Variants in GNGT2 observed in about 807,000 individuals in gnomAD.
GNGT2 encodes G protein subunit gamma transducin 2, also known as guanine nucleotide-binding protein G(I)/G(S)/G(O) subunit gamma-T2.
GNGT2 carries 4 observed loss-of-function variants against 3.5 expected under a neutral mutation model. That is an observed-to-expected ratio of 1.13 (90% CI 0.56 to 2.59). GNGT2 has a LOEUF of 2.59. Ranked by LOEUF, GNGT2 falls within the 30% of genes most tolerant of loss-of-function variation. The pLI is 0.02. For synonymous variants in GNGT2, 31 were observed against 29.5 expected (o/e 1.05, Z -0.17); for missense variants, 64 against 81.2 (o/e 0.79, Z 0.82).
In GNGT2 at chr17:49,206,332, A is replaced by T. The variant is rs1439503395; in HGVS notation, c.*425T>A. 1.1e-5 allele frequency: 2 copies of T among 175,850 alleles called. No individual in the cohort carries two copies. Among genetic ancestry groups the T allele is most frequent in the Non-Finnish European group, 2.4e-5 (2 of 85,010 alleles). The allele number at this position is 175,850 out of a possible 1,614,324, so 10.9% of individuals were successfully genotyped here. On this transcript the variant is annotated 3_prime_UTR_variant, in exon 4 of 4. Transcript: ENST00000507680. ...GTAGGACATGATATGGAGGGACAGGACCACCCAACCCTGGCCCCCAGCCCA... is the reference window on the plus strand; with the variant it reads ...GTAGGACATGATATGGAGGGACAGGTCCACCCAACCCTGGCCCCCAGCCCA...
chr17:49,207,024 G>T (rs1055414147), intron 3 of GNGT2, 142 bp from the exon 4 acceptor site: 3 of 871,588 alleles, frequency 3.4e-6, no homozygotes, highest in East Asian at 4.9e-5. Context: ...ACAGGTGTTC[G>T]GGGGTGTGAG....
At chr17:49,208,169 T>C (rs754241147) in intron 2 of GNGT2, among the ~76,000 whole-genome samples, 1 of 146,134 alleles carries the variant, frequency 6.8e-6, no homozygotes, top group Non-Finnish European at 1.5e-5. Context: ...TTTCAAAAAA[T>C]AAAAAAAGAT....
intron 3 of GNGT2, 35 bp from the exon 4 acceptor site, chr17:49,206,917 T>C (rs2043111955): frequency 1.2e-6 from 2 of 1,613,290 alleles, no homozygotes; most frequent in Non-Finnish European, 1.7e-6. Flanking sequence ...AGGTCCTTGT[T>C]ACTGTCTCTG....
At position 49,206,902 on chromosome 17, in the gene GNGT2, G is replaced by A. The variant is rs376218315; in HGVS notation, c.85-20C>T. The A allele has an allele frequency of 1.1e-5, 17 of 1,613,780 alleles. No individual in the cohort carries two copies. In the African/African-American group the frequency reaches 2.3e-4, roughly 22 times the overall value. On this transcript the variant is annotated intron_variant, in intron 3 of 3. Transcript: ENST00000507680. Reference sequence around the variant, plus strand: ...GGAAATCTGCGAGAACACAAAAAATGTTTTAGGTCCTTGTTACTGTCTCTG... The same window carrying A: ...GGAAATCTGCGAGAACACAAAAAATATTTTAGGTCCTTGTTACTGTCTCTG...
At position 49,206,829 on chromosome 17, in the gene GNGT2, G is replaced by C. The variant is rs943171161; in HGVS notation, c.138C>G (p.Asn46Lys). ...CAGGGATGCCTTTGAGAAAAGGATC[G>C]TTTCCTGCTTGGGCCTCCACGTACT... is the stretch of plus-strand genomic sequence containing the variant. Reference protein sequence around the residue: ...IKEYVEAQAGNDPFLKGIPED... With the variant: ...IKEYVEAQAGKDPFLKGIPED... The change falls in exon 4 of 4, where the codon AAC (asparagine) becomes AAG (lysine). Residue 46 changes from asparagine (N) to lysine (K), a missense_variant. Coordinates refer to ENST00000507680, the MANE Select transcript of GNGT2 (RefSeq NM_001198754.2). 6.2e-7 allele frequency: 1 copy of C among 1,613,348 alleles called. No individual in the cohort carries two copies. The highest frequency in any genetic ancestry group is 1.3e-5 in the African/African-American group (1 of 74,860).
intron 3 of GNGT2, among the ~76,000 whole-genome samples, chr17:49,207,118 T>A (rs2043113784): frequency 1.3e-5 from 2 of 152,116 alleles, no homozygotes; most frequent in African/African-American, 4.8e-5. Flanking sequence ...CTGGACACGC[T>A]GAGCTCTCCA....
chr17:49,208,187 A>G (rs2043122444), intron 2 of GNGT2, among the ~76,000 whole-genome samples: 1 of 151,396 alleles, frequency 6.6e-6, no homozygotes, highest in Non-Finnish European at 1.5e-5. Context: ...GATCCCAGGC[A>G]CTGTGGCTCA....
chr17:49,208,927 C>A lies in GNGT2; in HGVS notation c.-105G>T, dbSNP rs1230663063. The A allele has an allele frequency of 6.6e-6, 1 of 152,182 alleles. No individual in the cohort carries two copies. Among genetic ancestry groups the A allele is most frequent in the Non-Finnish European group, 1.5e-5 (1 of 68,038 alleles). The allele number at this position is 152,182 out of a possible 1,614,324, so 9.4% of individuals were successfully genotyped here. On this transcript the variant is annotated 5_prime_UTR_variant, in exon 2 of 4. Coordinates refer to ENST00000507680, the MANE Select transcript of GNGT2 (RefSeq NM_001198754.2). The stretch of plus-strand genomic sequence containing the variant: ...TTTGAGCCTCCTAGTTCTTCATCAG[C>A]TGAAAATCTTCAGATAAAGCAGATG...
At chr17:49,208,321 C>T (rs557964431) in intron 2 of GNGT2, among the ~76,000 whole-genome samples, 3 of 151,576 alleles carry the variant, frequency 2.0e-5, no homozygotes, top group South Asian at 2.1e-4. Context: ...ATTAGGCAGG[C>T]GTGGTGGCGG....
At chr17:49,206,993 G>A (rs2043112497) in intron 3 of GNGT2, 111 bp from the exon 4 acceptor site, 2 of 1,133,266 alleles carry the variant, frequency 1.8e-6, no homozygotes, top group Admixed American at 3.8e-5. Flanking sequence ...GGGCCAAAGA[G>A]GAGAAAGACA....
rs1443069271 is a variant in GNGT2, at chr17:49,208,285, A to G, written c.-23+560T>C. On this transcript the variant is annotated intron_variant, in intron 2 of 3. Transcript: ENST00000507680. Reference sequence around the variant, plus strand: ...AGACTAGCCTCGCCAACATGGTGAAACCCCATCTCTACTAAAAATACAAAA... The same window carrying G: ...AGACTAGCCTCGCCAACATGGTGAAGCCCCATCTCTACTAAAAATACAAAA... Among the ~76,000 whole-genome samples, 5 of 152,022 alleles carry G rather than the reference A, an allele frequency of 3.3e-5. No individual in the cohort carries two copies. The East Asian group carries it at 9.6e-4, about 29-fold the overall frequency.
chr17:49,209,290 A>T (rs982965945), intron 1 of GNGT2: 5 of 152,256 alleles, frequency 3.3e-5, no homozygotes, highest in Admixed American at 1.3e-4. Flanking sequence ...CAAGTCCTAG[A>T]CCGGCCCCTA....
At position 49,210,133 on chromosome 17, in the gene GNGT2, T is replaced by G. The variant is rs2043146689; in HGVS notation, c.-133+311A>C. ...AACCTCTCTGGTCATGTCTTCCCGGTGTCCAACCCTGACCCCTCTTGCTGC... is the reference window on the plus strand; with the variant it reads ...AACCTCTCTGGTCATGTCTTCCCGGGGTCCAACCCTGACCCCTCTTGCTGC... On this transcript the variant is annotated intron_variant, in intron 1 of 3. Transcript: ENST00000507680. This position sits in a 1 kb window ranked among gnomAD's most constrained non-coding sequence, Gnocchi z 4.2. 6.5e-6 allele frequency: 1 copy of G among 152,694 alleles called. No homozygotes were observed. The highest frequency in any genetic ancestry group is 1.9e-4 in the East Asian group (1 of 5,218). 9.5% of individuals were successfully genotyped at this position (152,694 alleles called of 1,614,324 possible). A position where few individuals can be genotyped will look rare whatever the true frequency, so the allele number is the denominator to read the frequency against.
intron 2 of GNGT2, among the ~76,000 whole-genome samples, 198 bp from the exon 3 acceptor site, chr17:49,207,642 G>A: frequency 6.6e-6 from 1 of 152,182 alleles, no homozygotes; most frequent in Non-Finnish European, 1.5e-5. Flanking sequence ...CAGTCTGATG[G>A]GGGAGGCACC....
rs898483461 is a variant in GNGT2 at position 49,207,004 on chromosome 17, C to T, written c.85-122G>A. On this transcript the variant is annotated intron_variant, in intron 3 of 3. Coordinates refer to ENST00000507680, the MANE Select transcript of GNGT2 (RefSeq NM_001198754.2). ...ACAGGGGCCAAAGAGGAGAAAGACA[C>T]AGAGGACAGACAGGTGTTCGGGGGT... 4 of 1,023,692 alleles carry T rather than the reference C, an allele frequency of 3.9e-6. No individual in the cohort carries two copies. The African/African-American group carries it at 4.8e-5, about 12-fold the overall frequency. The allele number at this position is 1,023,692 out of a possible 1,614,324, so 63.4% of individuals were successfully genotyped here.
At chr17:49,207,892 G>C (rs561842541) in intron 2 of GNGT2, among the ~76,000 whole-genome samples, 2 of 152,150 alleles carry the variant, frequency 1.3e-5, no homozygotes, top group Non-Finnish European at 1.5e-5. Context: ...TTGGCTGGGC[G>C]CGGTGGCTCA....
intron 3 of GNGT2, among the ~76,000 whole-genome samples, 184 bp from the exon 4 acceptor site, chr17:49,207,066 A>G (rs2043113292): frequency 6.6e-6 from 1 of 152,024 alleles, no homozygotes; most frequent in Non-Finnish European, 1.5e-5. Flanking sequence ...ACTGACCCTG[A>G]CCTTCATGGG....
At chr17:49,206,914 T>C (rs1005987343) in intron 3 of GNGT2, 32 bp from the exon 4 acceptor site, 7 of 1,613,378 alleles carry the variant, frequency 4.3e-6, no homozygotes, top group Non-Finnish European at 5.9e-6. Flanking sequence ...TTTAGGTCCT[T>C]GTTACTGTCT....
intron 1 of GNGT2, chr17:49,209,498 C>T (rs1266115207): frequency 2.0e-5 from 3 of 152,352 alleles, no homozygotes; most frequent in Non-Finnish European, 4.4e-5. Flanking sequence ...CCCTCTGAGC[C>T]CTGAATGTGG....
Sources: allele counts gnomAD v4.1 joint callset (sites outside exome capture counted in the v4.1 genomes callset), GRCh38; gene constraint gnomAD v4.1.1; non-coding constraint Gnocchi (gnomAD v3.1); transcripts MANE v1.5; gene names NCBI Gene and HGNC (gene_info 2026-07-23, HGNC 2026-07-21).